The following BLTP3A variants were observed in gnomAD, a reference collection of about 807,000 sequenced individuals.
The protein encoded by BLTP3A is bridge-like lipid transfer protein family member 3A, also known as ICBP90 binding protein 1.
the BLTP3A span, among the ~76,000 whole-genome samples, chr6:34,807,321 G>A: frequency 1.3e-5 from 2 of 151,106 alleles, no homozygotes; most frequent in African/African-American, 4.9e-5. Flanking sequence ...AATGAAAGCG[G>A]GTAGAGGGTT....
At chr6:34,818,931 ATAGTT>A in the BLTP3A span, among the ~76,000 whole-genome samples, 1 of 152,218 alleles carries the variant, frequency 6.6e-6, no homozygotes, top group Admixed American at 6.5e-5. Context: ...ACACTAAAAC[ATAGTT>A]TAGTAAAAGG....
At chr6:34,838,792 A>G in the BLTP3A span, among the ~76,000 whole-genome samples, 8 of 152,236 alleles carry the variant, frequency 5.3e-5, no homozygotes, top group South Asian at 1.7e-3. Flanking sequence ...AAAACCACAA[A>G]AATCAGCTGG....
the BLTP3A span, among the ~76,000 whole-genome samples, chr6:34,822,458 C>T: frequency 2.0e-5 from 3 of 152,034 alleles, no homozygotes; most frequent in East Asian, 5.8e-4. Flanking sequence ...AGGCTGGTCT[C>T]GAACTCCTAA....
chr6:34,801,693 C>G, the BLTP3A span, among the ~76,000 whole-genome samples: 1 of 152,008 alleles, frequency 6.6e-6, no homozygotes, highest in Non-Finnish European at 1.5e-5. Context: ...AAATATCGCA[C>G]AGCTTTATTT....
chr6:34,842,280 C>T, the BLTP3A span, among the ~76,000 whole-genome samples: 1 of 152,150 alleles, frequency 6.6e-6, no homozygotes, highest in Non-Finnish European at 1.5e-5. Flanking sequence ...TATTGAGATA[C>T]AATCTCACAC....
the BLTP3A span, among the ~76,000 whole-genome samples, chr6:34,818,172 A>G: frequency 1.3e-5 from 2 of 152,132 alleles, no homozygotes; most frequent in Non-Finnish European, 2.9e-5. Context: ...GTGTAGGATT[A>G]AGAGAGACCC....
the BLTP3A span, chr6:34,871,450 T>C: frequency 1.4e-5 from 12 of 836,184 alleles, no homozygotes; most frequent in South Asian, 2.0e-4. Context: ...GAATCTGCCA[T>C]GCCTCTTATA....
At chr6:34,822,082 C>A in the BLTP3A span, 2 of 1,150,212 alleles carry the variant, frequency 1.7e-6, no homozygotes, top group Non-Finnish European at 2.5e-6. Context: ...TCCCTGTGAG[C>A]TTCTCTCTGA....
At chr6:34,818,012 A>C in the BLTP3A span, among the ~76,000 whole-genome samples, 10 of 151,622 alleles carry the variant, frequency 6.6e-5, no homozygotes, top group African/African-American at 2.2e-4. Flanking sequence ...CGCCACCACG[A>C]CCGGCTAATT....
the BLTP3A span, chr6:34,857,464 C>T: frequency 1.2e-6 from 2 of 1,613,890 alleles, no homozygotes; most frequent in African/African-American, 1.3e-5. Flanking sequence ...TAATCAGGAG[C>T]TTCCAGGTAA....
At chr6:34,822,412 T>C in the BLTP3A span, among the ~76,000 whole-genome samples, 12 of 152,270 alleles carry the variant, frequency 7.9e-5, 1 homozygote, top group South Asian at 2.5e-3. Context: ...CTAATTTTTA[T>C]ATTTTTAATA....
chr6:34,835,162 C>T, the BLTP3A span: 2 of 1,010,762 alleles, frequency 2.0e-6, no homozygotes. Flanking sequence ...AAGAAATTGT[C>T]TCTCCAAAGT....
the BLTP3A span, among the ~76,000 whole-genome samples, chr6:34,805,606 A>G: frequency 2.7e-3 from 400 of 150,728 alleles, 3 homozygotes; most frequent in Non-Finnish European, 2.5e-3. Context: ...AAAAAAAAAA[A>G]AAAAAGATAA....
At chr6:34,841,384 A>C in the BLTP3A span, among the ~76,000 whole-genome samples, 1 of 152,190 alleles carries the variant, frequency 6.6e-6, no homozygotes, top group South Asian at 2.1e-4. Context: ...CTATATTTCT[A>C]TTAGATATCA....
the BLTP3A span, chr6:34,859,492 C>A: frequency 6.2e-7 from 1 of 1,614,074 alleles, no homozygotes; most frequent in Non-Finnish European, 8.5e-7. Flanking sequence ...AGCTGTGTCC[C>A]TGACTAAGGA....
At chr6:34,849,651 T>G in the BLTP3A span, among the ~76,000 whole-genome samples, 1 of 152,210 alleles carries the variant, frequency 6.6e-6, no homozygotes, top group African/African-American at 2.4e-5. Flanking sequence ...TCTGTAATTA[T>G]TATTTCCAGT....
chr6:34,796,734 A>G, the BLTP3A span, among the ~76,000 whole-genome samples: 1 of 152,240 alleles, frequency 6.6e-6, no homozygotes, highest in East Asian at 1.9e-4. Context: ...CAGCCCTGCC[A>G]CTAATCAGCA....
the BLTP3A span, among the ~76,000 whole-genome samples, chr6:34,799,952 G>A: frequency 6.6e-6 from 1 of 151,004 alleles, no homozygotes; most frequent in Non-Finnish European, 1.5e-5. Context: ...TTTTCCAGAT[G>A]TCTAATTCTT....
chr6:34,857,893 C>A, the BLTP3A span: 2 of 1,613,854 alleles, frequency 1.2e-6, no homozygotes, highest in South Asian at 2.2e-5. Context: ...ACTTGGACAT[C>A]CGACTAGATG....
Sources: gnomAD v4.1 joint callset for allele counts (sites outside exome capture counted in the v4.1 genomes callset) on GRCh38, gnomAD v4.1.1 for gene constraint, MANE v1.5 for transcripts, NCBI Gene and HGNC (gene_info 2026-07-23, HGNC 2026-07-21) for gene names.